Variants in CASP5 observed in about 807,000 individuals in gnomAD.
The protein encoded by CASP5 is caspase 5, also known as caspase-5.
A neutral mutation model predicts 45.2 loss-of-function variants in CASP5; 42 were observed. The observed-to-expected ratio is 0.93, with a 90% confidence interval of 0.73 to 1.20. CASP5 has a LOEUF of 1.20. CASP5 is among the 50% of genes most tolerant of loss of function. CASP5 has a pLI of 0.00. For missense variants in CASP5, 512 were observed against 532.2 expected, an observed-to-expected ratio of 0.96 and a Z score of 0.37; for synonymous variants, 209 against 186.2, an observed-to-expected ratio of 1.12 and a Z score of -1.00.
intron 6 of CASP5, 78 bp from the exon 7 acceptor site, chr11:104,999,106 T>A: frequency 1.5e-6 from 2 of 1,292,288 alleles, no homozygotes; most frequent in Non-Finnish European, 2.1e-6. Flanking sequence ...GTAGGTTTGT[T>A]ACATAGTTAC....
chr11:105,016,709 G>C (rs1862622845), intron 1 of CASP5, among the ~76,000 whole-genome samples: 2 of 152,192 alleles, frequency 1.3e-5, no homozygotes, highest in South Asian at 4.1e-4. Flanking sequence ...CAAACTGCAA[G>C]GCAGCAGCGA....
At chr11:105,013,912 A>G (rs1231170754) in intron 1 of CASP5, among the ~76,000 whole-genome samples, 3 of 152,122 alleles carry the variant, frequency 2.0e-5, no homozygotes, top group East Asian at 1.9e-4. Flanking sequence ...CCCCAACTCA[A>G]TTCACACTGC....
chr11:105,007,255 C>G lies in CASP5; in HGVS notation c.261G>C (p.Leu87Phe), dbSNP rs1160718555. 2.5e-6 allele frequency: 4 copies of G among 1,612,216 alleles called. No individual in the cohort carries two copies. The African/African-American group carries it at 4.0e-5, about 16-fold the overall frequency. The change falls in exon 3 of 10, where the codon TTG (leucine) becomes TTC (phenylalanine). Residue 87 changes from leucine (L) to phenylalanine (F), a missense_variant. Physicochemically the swap from Leu to Phe is conservative, Grantham distance 22 (BLOSUM62 0). Coordinates refer to ENST00000260315, the MANE Select transcript of CASP5 (RefSeq NM_004347.5). ...TCAATGTCAGAACATCGTGTTTTGCCAAATAATTAAAAACACCATGAAGAA... is the reference window on the plus strand; with the variant it reads ...TCAATGTCAGAACATCGTGTTTTGCGAAATAATTAAAAACACCATGAAGAA... The part of the protein sequence containing the change: ...KDVLHGVFNY[L>F]AKHDVLTLKE...
intron 1 of CASP5, among the ~76,000 whole-genome samples, chr11:105,013,077 T>A (rs895277113): frequency 2.0e-5 from 3 of 151,950 alleles, no homozygotes; most frequent in African/African-American, 7.2e-5. Flanking sequence ...GCAACAGTAT[T>A]CAGCTTTAGA....
At chr11:105,005,676 C>T (rs1159057610) in intron 3 of CASP5, among the ~76,000 whole-genome samples, 2 of 152,190 alleles carry the variant, frequency 1.3e-5, no homozygotes, top group Non-Finnish European at 2.9e-5. Context: ...CTTCTTGCCA[C>T]AGCCTCTGCT....
At chr11:105,023,051 G>T in intron 1 of CASP5, 79 bp downstream of exon 1, 5 of 1,308,410 alleles carry the variant, frequency 3.8e-6, no homozygotes, top group Non-Finnish European at 5.4e-6. Flanking sequence ...TGGTATTTCT[G>T]CCTGTCACAT....
At chr11:105,018,011 TAAAG>T (rs1862723972) in intron 1 of CASP5, among the ~76,000 whole-genome samples, 2 of 151,946 alleles carry the variant, frequency 1.3e-5, no homozygotes, top group Admixed American at 1.3e-4. Context: ...TCAACATTCT[TAAAG>T]AAAAGAATTT....
intron 1 of CASP5, among the ~76,000 whole-genome samples, chr11:105,018,168 G>T (rs906791399): frequency 6.6e-6 from 1 of 151,872 alleles, no homozygotes; most frequent in Non-Finnish European, 1.5e-5. Context: ...ACTCAACATG[G>T]AAAGGAACAA....
At chr11:105,006,614 AGT>A (rs1339467714) in intron 3 of CASP5, among the ~76,000 whole-genome samples, 1 of 152,190 alleles carries the variant, frequency 6.6e-6, no homozygotes, top group African/African-American at 2.4e-5. Context: ...CAGATGAGAG[AGT>A]CCTGAATGAG....
intron 6 of CASP5, among the ~76,000 whole-genome samples, chr11:104,999,745 A>G (rs541917901): frequency 1.3e-5 from 2 of 152,320 alleles, no homozygotes; most frequent in South Asian, 4.1e-4. Flanking sequence ...ATACATCCCA[A>G]TAGTCATGAG....
intron 1 of CASP5, among the ~76,000 whole-genome samples, chr11:105,015,510 G>C (rs565996042): frequency 1.3e-3 from 204 of 152,234 alleles, no homozygotes; most frequent in Middle Eastern, 3.4e-3. Context: ...ATTTTATATA[G>C]GATACTGTTT....
At chr11:105,009,934 C>CAT (rs1338071569) in intron 1 of CASP5, among the ~76,000 whole-genome samples, 1,862 of 137,060 alleles carry the variant, frequency 0.014, 55 homozygotes, top group African/African-American at 0.056. Flanking sequence ...CACATACACA[C>CAT]ACACACACAC....
rs746213106 is a variant in CASP5 at position 104,997,398 on chromosome 11, C to T, written c.1191G>A (p.Met397Ile). ...GGAAGCTTACCTTCCGAAATATTTC[C>T]ATTAGGTGGCAGCAGCAAGAATATT... Reference protein sequence around the residue: ...FQKYSCCCHLMEIFRKVQKSF... With the variant: ...FQKYSCCCHLIEIFRKVQKSF... The change falls in exon 8 of 10, where the codon ATG becomes ATA. Residue 397 changes from methionine to isoleucine, a missense_variant. Coordinates refer to ENST00000260315, the MANE Select transcript of CASP5 (RefSeq NM_004347.5). 1 of 1,607,148 alleles carries T rather than the reference C, an allele frequency of 6.2e-7. No homozygotes were observed. The highest frequency in any genetic ancestry group is 1.1e-5 in the South Asian group (1 of 90,912).
chr11:105,020,364 A>T (rs1249343926), intron 1 of CASP5, among the ~76,000 whole-genome samples: 1 of 151,766 alleles, frequency 6.6e-6, no homozygotes, highest in Non-Finnish European at 1.5e-5. Context: ...TGGAAGTCAA[A>T]TTGTCCCTGT....
intron 1 of CASP5, among the ~76,000 whole-genome samples, chr11:105,009,804 TATAC>T (rs1862217513): frequency 8.8e-6 from 1 of 113,292 alleles, no homozygotes; most frequent in South Asian, 2.5e-4. Context: ...TATATATATA[TATAC>T]ACACACATAT....
At chr11:105,003,206 T>A in intron 4 of CASP5, 68 bp downstream of exon 4, 2 of 980,588 alleles carry the variant, frequency 2.0e-6, no homozygotes, top group Non-Finnish European at 3.2e-6. Context: ...TTTTTAAAAA[T>A]GTGCATTGCA....
chr11:105,019,606 G>A (rs1396404400), intron 1 of CASP5, among the ~76,000 whole-genome samples: 1 of 148,924 alleles, frequency 6.7e-6, no homozygotes, highest in Non-Finnish European at 1.5e-5. Flanking sequence ...ACTAAACCAG[G>A]AAGAAGTTGA....
At chr11:104,997,314 A>G in intron 8 of CASP5, 69 bp downstream of exon 8, 2 of 1,108,728 alleles carry the variant, frequency 1.8e-6, no homozygotes, top group Non-Finnish European at 2.8e-6. Context: ...TTTTTATTCG[A>G]TTAGTGAATA....
intron 3 of CASP5, among the ~76,000 whole-genome samples, chr11:105,004,615 AT>A (rs1404805871): frequency 6.6e-6 from 1 of 152,050 alleles, no homozygotes; most frequent in Non-Finnish European, 1.5e-5. Context: ...TAAAATTTAT[AT>A]TGTTTTTAAA....
Sources: allele counts gnomAD v4.1 joint callset (sites outside exome capture counted in the v4.1 genomes callset), GRCh38; gene constraint gnomAD v4.1.1; transcripts MANE v1.5; gene names NCBI Gene and HGNC (gene_info 2026-07-23, HGNC 2026-07-21).